FAM167A: variants seen among roughly 807,000 people sequenced by gnomAD.
FAM167A encodes family with sequence similarity 167 member A.
Under a neutral mutation model 14.9 loss-of-function variants are expected in FAM167A, and 23 were observed. That is an observed-to-expected ratio of 1.55 (90% CI 1.11 to 2.19). The LOEUF is 2.19. FAM167A is among the 30% of genes most tolerant of loss of function. The probability of loss-of-function intolerance (pLI) is 0.00; values close to 1 mark genes in which losing one functional copy is unlikely to be tolerated. For missense variants in FAM167A, 401 were observed against 281.5 expected, an observed-to-expected ratio of 1.42 and a Z score of -3.04; for synonymous variants, 174 against 117.7, an observed-to-expected ratio of 1.48 and a Z score of -3.10.
chr8:11,427,286 C>A (rs1240112427), intron 2 of FAM167A, among the ~76,000 whole-genome samples: 1 of 152,170 alleles, frequency 6.6e-6, no homozygotes, highest in East Asian at 1.9e-4. Flanking sequence ...CTAGCTGGAG[C>A]TCAGAGGGCT....
intron 2 of FAM167A, among the ~76,000 whole-genome samples, chr8:11,442,651 C>T (rs901137242): frequency 1.3e-5 from 2 of 149,432 alleles, no homozygotes; most frequent in African/African-American, 4.9e-5. Flanking sequence ...GGGCTGTGCG[C>T]GGTCTGTCCT....
At chr8:11,443,247 A>AC (rs1270337579) in intron 2 of FAM167A, among the ~76,000 whole-genome samples, 1 of 152,150 alleles carries the variant, frequency 6.6e-6, no homozygotes, top group East Asian at 1.9e-4. Flanking sequence ...GGGACAGGGC[A>AC]CCCAGCTCTG....
In FAM167A at chr8:11,442,468, C is replaced by T. The variant is rs965448770; in HGVS notation, c.381+1563G>A. On this transcript the variant is annotated intron_variant, in intron 2 of 2. Coordinates refer to ENST00000284486, the MANE Select transcript of FAM167A (RefSeq NM_053279.3). ...TTCTAGGAAACTCCATCCTAGTGGGCGCTATGCGGAATGCTAACTTCCTTA... is the reference window on the plus strand; with the variant it reads ...TTCTAGGAAACTCCATCCTAGTGGGTGCTATGCGGAATGCTAACTTCCTTA... Among the ~76,000 whole-genome samples, 5 of 152,056 alleles carry T rather than the reference C, an allele frequency of 3.3e-5. No individual in the cohort carries two copies. In the South Asian group the frequency reaches 6.2e-4, roughly 19 times the overall value.
chr8:11,440,985 C>A (rs1806401439), intron 2 of FAM167A, among the ~76,000 whole-genome samples: 1 of 152,070 alleles, frequency 6.6e-6, no homozygotes, highest in Admixed American at 6.5e-5. Context: ...GCTGAACTCT[C>A]AGTTTTCAAT....
intron 1 of FAM167A, among the ~76,000 whole-genome samples, chr8:11,456,152 TGTGGG>T (rs1378987837): frequency 1.4e-4 from 4 of 28,374 alleles, no homozygotes; most frequent in Admixed American, 5.2e-4. Context: ...TGTGTGTGAA[TGTGGG>T]GGGTGGTTGC....
chr8:11,427,763 T>C (rs1379710313), intron 2 of FAM167A, among the ~76,000 whole-genome samples: 1 of 152,244 alleles, frequency 6.6e-6, no homozygotes, highest in Non-Finnish European at 1.5e-5. Flanking sequence ...GCAAGGTATC[T>C]AATGGCAAAA....
Position 11,444,073 on chromosome 8 carries a change from A to G in FAM167A, c.339T>C (p.Phe113=), listed in dbSNP as rs374899642. The change falls in exon 2 of 3, where the codon TTT becomes TTC. Residue 113 remains phenylalanine (F), a synonymous_variant. Coordinates refer to ENST00000284486, the MANE Select transcript of FAM167A (RefSeq NM_053279.3). ...AGGCTATAGCTTCATCGATGCTCTG[A>G]AAGCCTTCCAGCTTGCCAGTGGACA... ...RPLSTGKLEG[F]QSIDEAIAWL... is the part of the protein sequence containing the mutation. The G allele has an allele frequency of 6.2e-7, 1 of 1,613,406 alleles. No homozygotes were observed. The highest frequency in any genetic ancestry group is 8.5e-7 in the Non-Finnish European group (1 of 1,179,998).
chr8:11,443,273 C>G (rs948732153), intron 2 of FAM167A, among the ~76,000 whole-genome samples: 1 of 152,240 alleles, frequency 6.6e-6, no homozygotes, highest in Admixed American at 6.5e-5. Context: ...CCACCCTGTT[C>G]TCAGGCTGAG....
At chr8:11,436,630 T>C (rs958183153) in intron 2 of FAM167A, among the ~76,000 whole-genome samples, 12 of 152,172 alleles carry the variant, frequency 7.9e-5, no homozygotes, top group Non-Finnish European at 1.0e-4. Context: ...CAGGCAGGAA[T>C]TGGGGCTTGC....
chr8:11,455,539 G>GCA (rs2117125554), intron 1 of FAM167A, among the ~76,000 whole-genome samples: 1 of 145,582 alleles, frequency 6.9e-6, no homozygotes. Flanking sequence ...TGCTGGGTGT[G>GCA]TGAGTCTGAG....
At chr8:11,456,831 G>A (rs1003289821) in intron 1 of FAM167A, among the ~76,000 whole-genome samples, 5 of 147,610 alleles carry the variant, frequency 3.4e-5, no homozygotes, top group African/African-American at 1.3e-4. Flanking sequence ...CGTGGGTGGG[G>A]CTGGGTTAGG....
rs759625004 is a variant in FAM167A at position 11,444,272 on chromosome 8, A to C, written c.140T>G (p.Leu47Arg). Residue 47 changes from leucine to arginine, a missense_variant, in exon 2 of 3, where the codon CTG becomes CGG. Leu to Arg is a moderately radical substitution (Grantham distance 102, BLOSUM62 -2). Coordinates refer to ENST00000284486, the MANE Select transcript of FAM167A (RefSeq NM_053279.3). ...CTCCTCCAGCCTGGCCTGCCATTCCAGGTAGGAGGGCCTGCGGGTCTCCAG... is the reference window on the plus strand; with the variant it reads ...CTCCTCCAGCCTGGCCTGCCATTCCCGGTAGGAGGGCCTGCGGGTCTCCAG... ...LRLETRRPSY[L>R]EWQARLEEHT... 1 of 1,610,312 alleles carries C rather than the reference A, an allele frequency of 6.2e-7. No individual in the cohort carries two copies. Among genetic ancestry groups the C allele is most frequent in the East Asian group, 2.2e-5 (1 of 44,764 alleles).
At chr8:11,461,027 C>T (rs554837690) in intron 1 of FAM167A, among the ~76,000 whole-genome samples, 16 of 152,298 alleles carry the variant, frequency 1.1e-4, no homozygotes, top group South Asian at 1.0e-3. Flanking sequence ...TCATTTAGCC[C>T]GGTGAAAGAG....
intron 1 of FAM167A, among the ~76,000 whole-genome samples, chr8:11,449,312 G>A (rs1397341765): frequency 6.6e-6 from 1 of 152,222 alleles, no homozygotes; most frequent in Admixed American, 6.5e-5. Flanking sequence ...GCTTGTCACT[G>A]CTCACTGGGC....
chr8:11,446,503 G>A (rs2409768), intron 1 of FAM167A: 68,086 of 151,602 alleles, frequency 0.45, 15,541 homozygotes, highest in East Asian at 0.66. Context: ...CAGCTCCCCC[G>A]ATGATCCGAG....
intron 1 of FAM167A, among the ~76,000 whole-genome samples, chr8:11,456,404 G>A (rs111205123): frequency 0.011 from 821 of 76,332 alleles, 13 homozygotes; most frequent in African/African-American, 0.037. Context: ...TGTGAGTGTG[G>A]GGGGTGGTTG....
intron 1 of FAM167A, among the ~76,000 whole-genome samples, chr8:11,457,146 T>C (rs1285646888): frequency 7.4e-6 from 1 of 135,926 alleles, no homozygotes; most frequent in Non-Finnish European, 1.6e-5. Flanking sequence ...GTTAGGGGTG[T>C]GGGTGGGATC....
intron 1 of FAM167A, among the ~76,000 whole-genome samples, chr8:11,475,800 A>G (rs1318898494): frequency 6.6e-6 from 1 of 151,584 alleles, no homozygotes; most frequent in Non-Finnish European, 1.5e-5. Context: ...CCCTCCCCCA[A>G]CTCAAATTGC....
intron 2 of FAM167A, among the ~76,000 whole-genome samples, chr8:11,431,067 C>T (rs1805550451): frequency 6.6e-6 from 1 of 152,216 alleles, no homozygotes; most frequent in South Asian, 2.1e-4. Flanking sequence ...GTACACACCC[C>T]AAACAAATGA....
Sources: gnomAD v4.1 joint callset for allele counts (sites outside exome capture counted in the v4.1 genomes callset) on GRCh38, gnomAD v4.1.1 for gene constraint, MANE v1.5 for transcripts, NCBI Gene and HGNC (gene_info 2026-07-23, HGNC 2026-07-21) for gene names.